Variants in FHAD1 observed in about 807,000 individuals in gnomAD.
FHAD1 encodes the protein forkhead-associated domain-containing protein 1.
In FHAD1, 146 loss-of-function variants were observed where a neutral mutation model predicts 191.3. That is an observed-to-expected ratio of 0.76 (90% CI 0.67 to 0.88). FHAD1 has a LOEUF of 0.88. FHAD1 is among the 40% of genes least tolerant of loss of function. The pLI is 0.00. For missense variants in FHAD1, 1,635 were observed against 1,785.8 expected (o/e 0.92, Z 1.52); for synonymous variants, 616 against 672.3 (o/e 0.92, Z 1.29).
chr1:15,360,450 C>A, intron 21 of FHAD1, 28 bp from the exon 22 acceptor site: 1 of 1,541,028 alleles, frequency 6.5e-7, no homozygotes, highest in Non-Finnish European at 8.8e-7. Context: ...GCTCCCAAGA[C>A]CTCACTGAGT....
intron 4 of FHAD1, among the ~76,000 whole-genome samples, chr1:15,293,682 C>T (rs933458128): frequency 3.3e-5 from 5 of 152,198 alleles, no homozygotes; most frequent in Admixed American, 6.5e-5. Flanking sequence ...TGTGCCACTG[C>T]ACTCCAGCCT....
intron 3 of FHAD1, among the ~76,000 whole-genome samples, chr1:15,273,046 T>C (rs542839287): frequency 1.3e-5 from 2 of 152,266 alleles, no homozygotes; most frequent in South Asian, 4.2e-4. Flanking sequence ...TCCGAGCCAG[T>C]GTTTCCCTAA....
chr1:15,386,744 C>G (rs1702180569), intron 31 of FHAD1, among the ~76,000 whole-genome samples: 1 of 152,208 alleles, frequency 6.6e-6, no homozygotes, highest in Non-Finnish European at 1.5e-5. Flanking sequence ...GAAAATGTGC[C>G]TAACCCACAG....
intron 18 of FHAD1, among the ~76,000 whole-genome samples, chr1:15,345,935 G>A (rs1331952198): frequency 1.3e-5 from 2 of 152,136 alleles, no homozygotes; most frequent in Admixed American, 6.5e-5. Flanking sequence ...CTCCACCCCA[G>A]GACAGTCCGT....
chr1:15,399,683 C>T (rs1378964495), downstream of FHAD1, among the ~76,000 whole-genome samples: 1 of 152,118 alleles, frequency 6.6e-6, no homozygotes, highest in African/African-American at 2.4e-5. Flanking sequence ...TGTACCATAT[C>T]CCCAAATATA....
At position 15,316,292 on chromosome 1, in the gene FHAD1, C is replaced by A; in HGVS notation, c.1171-86C>A. 9.5e-7 allele frequency: 1 copy of A among 1,052,902 alleles called. No homozygotes were observed. The highest frequency in any genetic ancestry group is 1.4e-6 in the Non-Finnish European group (1 of 703,312). 65.2% of individuals were successfully genotyped at this position (1,052,902 alleles called of 1,614,324 possible). On this transcript the variant is annotated intron_variant, in intron 8 of 33. Coordinates refer to ENST00000688493, the MANE Select transcript of FHAD1 (RefSeq NM_001391957.1). This position sits in a 1 kb window ranked among gnomAD's most constrained non-coding sequence, Gnocchi z 4.3. ...ACAGCAGGAAATGCTCTCAGGGGCT[C>A]ACATGGGGCCTTGGAGCCCCTCCTT...
In FHAD1 at chr1:15,381,543, CAGG is replaced by C. The variant is rs1700907782; in HGVS notation, c.4022+97_4022+99del. 2.0e-6 allele frequency: 2 copies of C among 985,606 alleles called. No homozygotes were observed. The highest frequency in any genetic ancestry group is 1.5e-5 in the South Asian group (1 of 64,840). 61.1% of individuals were successfully genotyped at this position (985,606 alleles called of 1,614,324 possible). On this transcript the variant is annotated intron_variant, in intron 30 of 33. Coordinates refer to ENST00000688493, the MANE Select transcript of FHAD1 (RefSeq NM_001391957.1). The surrounding 1 kb of genome is among the most constrained non-coding windows in gnomAD (Gnocchi z 4.6). The stretch of plus-strand genomic sequence containing the variant: ...TAGCAGCAGACCTCTAGGCCTGGGA[CAGG>C]AGGACAGAGACCCACGTGTGGAATA...
chr1:15,379,304 G>A (rs1700356503), intron 28 of FHAD1, among the ~76,000 whole-genome samples: 1 of 152,144 alleles, frequency 6.6e-6, no homozygotes, highest in Non-Finnish European at 1.5e-5. Flanking sequence ...TCATAGACAA[G>A]GTAAAGGATT....
chr1:15,313,219 C>T, intron 8 of FHAD1, 32 bp downstream of exon 8: 2 of 1,547,440 alleles, frequency 1.3e-6, no homozygotes, highest in Non-Finnish European at 1.7e-6. Flanking sequence ...ACCTTGTAGC[C>T]ATCCGGTGAA....
intron 1 of FHAD1, among the ~76,000 whole-genome samples, chr1:15,248,578 C>CT (rs760114625): frequency 9.1e-4 from 132 of 144,710 alleles, no homozygotes; most frequent in Middle Eastern, 3.5e-3. Context: ...AAGGAGATGA[C>CT]CTTTTTTTTT....
chr1:15,339,614 C>A, intron 15 of FHAD1, 63 bp downstream of exon 15: 1 of 746,398 alleles, frequency 1.3e-6, no homozygotes, highest in Non-Finnish European at 2.0e-6. Flanking sequence ...ATTTATATAG[C>A]ACTGTGCATT....
chr1:15,344,210 C>T (rs1687954075), intron 16 of FHAD1, among the ~76,000 whole-genome samples: 1 of 152,220 alleles, frequency 6.6e-6, no homozygotes, highest in South Asian at 2.1e-4. Flanking sequence ...TGCCAAGTGT[C>T]CTGACTAAAT....
chr1:15,348,252 A>G, intron 18 of FHAD1, among the ~76,000 whole-genome samples: 1 of 152,216 alleles, frequency 6.6e-6, no homozygotes, highest in South Asian at 2.1e-4. Flanking sequence ...TTACAGGCTC[A>G]TCTGGGGCCC....
At chr1:15,362,939 C>G (rs1212471524) in intron 23 of FHAD1, among the ~76,000 whole-genome samples, 1 of 152,228 alleles carries the variant, frequency 6.6e-6, no homozygotes, top group Non-Finnish European at 1.5e-5. Context: ...TGCTGCCTTC[C>G]CAGTGCTGCT....
At chr1:15,361,434 C>T (rs184938670) in intron 22 of FHAD1, among the ~76,000 whole-genome samples, 2 of 152,270 alleles carry the variant, frequency 1.3e-5, no homozygotes, top group African/African-American at 2.4e-5. Flanking sequence ...GGCAAATTCA[C>T]TCCTGCTTAA....
At position 15,293,588 on chromosome 1, in the gene FHAD1, C is replaced by G. The variant is rs189659392; in HGVS notation, c.569-3096C>G. On this transcript the variant is annotated intron_variant, in intron 4 of 33. Transcript: ENST00000688493. Reference sequence around the variant, plus strand: ...CAAAAATTAGCTGGGTGTGGTGGCACGCACCTGTAATCCCAGCTACTCAGG... The same window carrying G: ...CAAAAATTAGCTGGGTGTGGTGGCAGGCACCTGTAATCCCAGCTACTCAGG... 4.9e-3 allele frequency among the ~76,000 whole-genome samples: 738 copies of G among 151,958 alleles called. 4 individuals are homozygous for G. Among genetic ancestry groups the G allele is most frequent in the Non-Finnish European group, 7.3e-3 (497 of 67,936 alleles).
At chr1:15,324,266 C>G (rs373730718) in intron 10 of FHAD1, among the ~76,000 whole-genome samples, 186 bp from the exon 11 acceptor site, 148 of 152,112 alleles carry the variant, frequency 9.7e-4, no homozygotes, top group African/African-American at 3.5e-3. Context: ...CCAGCCCTTT[C>G]CCCCAACGGA....
intron 26 of FHAD1, among the ~76,000 whole-genome samples, chr1:15,373,023 A>C (rs1698557827): frequency 6.6e-6 from 1 of 152,232 alleles, no homozygotes; most frequent in Non-Finnish European, 1.5e-5. Context: ...AGAGGTGCTC[A>C]ATAAATCGAT....
At position 15,301,298 on chromosome 1, in the gene FHAD1, C is replaced by A. The variant is rs1370156806; in HGVS notation, c.772C>A (p.Gln258Lys). ...KYKDVIIANL[Q>K]NEVAELSQKV... ...CAAAGACGTCATAATAGCAAACCTG[C>A]AGAATGAAGTGGCTGAGCTGAGTCA... is the stretch of plus-strand genomic sequence containing the variant. Residue 258 changes from glutamine (Q) to lysine (K), a missense_variant, in exon 6 of 34, where the codon CAG (glutamine) becomes AAG (lysine). By Grantham distance (53) the Gln-to-Lys change is moderately conservative. Transcript: ENST00000688493. The A allele has an allele frequency of 6.4e-7, 1 of 1,551,648 alleles. No homozygotes were observed. Among genetic ancestry groups the A allele is most frequent in the Non-Finnish European group, 8.7e-7 (1 of 1,147,010 alleles).
Sources: allele counts gnomAD v4.1 joint callset (sites outside exome capture counted in the v4.1 genomes callset), GRCh38; gene constraint gnomAD v4.1.1; non-coding constraint Gnocchi (gnomAD v3.1); transcripts MANE v1.5; gene names NCBI Gene and HGNC (gene_info 2026-07-23, HGNC 2026-07-21).